LYN: variants seen among roughly 807,000 people sequenced by gnomAD.
LYN encodes the protein tyrosine-protein kinase Lyn.
LYN carries 12 observed loss-of-function variants against 65.0 expected under a neutral mutation model. The observed-to-expected ratio is 0.18, with a 90% CI of 0.12 to 0.30. LYN has a LOEUF of 0.30. Ranked by LOEUF, LYN falls within the 10% of genes least tolerant of loss-of-function variation. The pLI, the probability that LYN is intolerant of heterozygous loss-of-function variation, is 1.00. For missense variants in LYN, 380 were observed against 623.2 expected, an observed-to-expected ratio of 0.61 and a Z score of 4.16; for synonymous variants, 222 against 221.2, an observed-to-expected ratio of 1.00 and a Z score of -0.03.
rs576850028 is a variant in LYN at position 55,995,167 on chromosome 8, G to A, written c.1051-3179G>A. Among the ~76,000 whole-genome samples the A allele has an allele frequency of 3.3e-5, 5 of 152,168 alleles. No homozygotes were observed. The South Asian group carries it at 8.3e-4, about 25-fold the overall frequency. On this transcript the variant is annotated intron_variant, in intron 10 of 12. Coordinates refer to ENST00000519728, the MANE Select transcript of LYN (RefSeq NM_002350.4). ...AAGGAGCTATCCTGAACTTCCTGAC[G>A]CCCTCACCATGCCACTGCCTGCTGT...
chr8:55,939,734 TTTTAAGGGA>T (rs1038471111), intron 1 of LYN, among the ~76,000 whole-genome samples: 1 of 152,132 alleles, frequency 6.6e-6, no homozygotes, highest in African/African-American at 2.4e-5. Flanking sequence ...TAAAGCACGA[TTTTAAGGGA>T]TGGTGAGTTA....
At chr8:55,940,039 G>T (rs1454370357) in intron 1 of LYN, among the ~76,000 whole-genome samples, 1 of 152,224 alleles carries the variant, frequency 6.6e-6, no homozygotes, top group Non-Finnish European at 1.5e-5. Flanking sequence ...TTGGAAGCCT[G>T]CAGGAAAAAA....
At chr8:55,965,380 AGGGAGTGGCTCCC>A (rs1807421940) in intron 8 of LYN, among the ~76,000 whole-genome samples, 2 of 152,128 alleles carry the variant, frequency 1.3e-5, no homozygotes, top group Non-Finnish European at 1.5e-5. Flanking sequence ...GGAGGAGTGG[AGGGAGTGGCTCCC>A]TGTCCTTTTA....
intron 1 of LYN, among the ~76,000 whole-genome samples, chr8:55,938,673 A>G (rs1208152448): frequency 1.3e-5 from 2 of 152,220 alleles, no homozygotes; most frequent in African/African-American, 4.8e-5. Context: ...TTGTGGTAAA[A>G]CATTTTAAAG....
At chr8:56,009,257 A>G (rs944723298) in intron 12 of LYN, among the ~76,000 whole-genome samples, 39 of 152,314 alleles carry the variant, frequency 2.6e-4, no homozygotes, top group African/African-American at 8.9e-4. Context: ...GGCAAGTCCA[A>G]TATCCTTTTG....
intron 10 of LYN, among the ~76,000 whole-genome samples, chr8:55,977,910 A>C (rs1585659634): frequency 6.6e-6 from 1 of 152,074 alleles, no homozygotes; most frequent in South Asian, 2.1e-4. Context: ...ACAGAGCAAG[A>C]CCCTGCCTCT....
intron 1 of LYN, among the ~76,000 whole-genome samples, chr8:55,911,375 A>T (rs1805633833): frequency 7.2e-6 from 1 of 139,132 alleles, no homozygotes; most frequent in South Asian, 2.3e-4. Flanking sequence ...GCCCACCTTG[A>T]CCTCCCAAAG....
At chr8:55,912,736 A>C (rs1443680656) in intron 1 of LYN, among the ~76,000 whole-genome samples, 1 of 133,376 alleles carries the variant, frequency 7.5e-6, no homozygotes, top group Non-Finnish European at 1.6e-5. Flanking sequence ...GAAAAAAAAA[A>C]ACAAAACAAA....
chr8:55,996,990 G>A (rs1021334849), intron 10 of LYN, among the ~76,000 whole-genome samples: 5 of 151,836 alleles, frequency 3.3e-5, no homozygotes, highest in Non-Finnish European at 7.4e-5. Context: ...GTGAAACCCC[G>A]TCTGTACTAA....
rs117144143 is a variant in LYN at position 55,957,518 on chromosome 8, C to T, written c.790+3534C>T. On this transcript the variant is annotated intron_variant, in intron 8 of 12. Transcript: ENST00000519728. ...GCTTGGAATCTTGTTCTAGCCTCTCCTGTTCAGCTGTGAAGCCAGGATAAA... is the reference window on the plus strand; with the variant it reads ...GCTTGGAATCTTGTTCTAGCCTCTCTTGTTCAGCTGTGAAGCCAGGATAAA... Among the ~76,000 whole-genome samples, 4 of 152,336 alleles carry T rather than the reference C, an allele frequency of 2.6e-5. No homozygotes were observed. In the East Asian group the frequency reaches 5.8e-4, roughly 22 times the overall value.
chr8:55,992,306 G>A (rs1325529586), intron 10 of LYN, among the ~76,000 whole-genome samples: 1 of 152,190 alleles, frequency 6.6e-6, no homozygotes, highest in Non-Finnish European at 1.5e-5. Context: ...GATAGAGAGG[G>A]AGAGGAGCTG....
chr8:55,886,449 T>C (rs555683797), intron 1 of LYN, among the ~76,000 whole-genome samples: 7 of 152,284 alleles, frequency 4.6e-5, no homozygotes, highest in African/African-American at 1.4e-4. Flanking sequence ...GGTTTCATCA[T>C]GTTGGCCAGC....
intron 10 of LYN, among the ~76,000 whole-genome samples, chr8:55,985,614 G>A (rs530107289): frequency 6.6e-6 from 1 of 152,268 alleles, no homozygotes; most frequent in African/African-American, 2.4e-5. Flanking sequence ...AAGGTATTTT[G>A]TCTTAGTTGA....
At chr8:56,009,419 A>G (rs1808756019) in intron 12 of LYN, among the ~76,000 whole-genome samples, 1 of 152,230 alleles carries the variant, frequency 6.6e-6, no homozygotes, top group African/African-American at 2.4e-5. Context: ...CCATAACAAT[A>G]CAACACACTG....
intron 1 of LYN, among the ~76,000 whole-genome samples, chr8:55,910,303 C>A (rs1805562571): frequency 6.6e-6 from 1 of 152,066 alleles, no homozygotes; most frequent in African/African-American, 2.4e-5. Context: ...GTCTTTAATT[C>A]ATCTTGAGTT....
intron 3 of LYN, among the ~76,000 whole-genome samples, chr8:55,946,895 CA>C (rs1453080125): frequency 1.3e-5 from 2 of 152,160 alleles, no homozygotes; most frequent in Non-Finnish European, 2.9e-5. Context: ...AAGGTTCATC[CA>C]TGCTGTAGAA....
intron 12 of LYN, among the ~76,000 whole-genome samples, chr8:56,002,517 G>A (rs946782867): frequency 1.3e-5 from 2 of 151,514 alleles, no homozygotes; most frequent in Middle Eastern, 3.4e-3. Flanking sequence ...AAGGAGAATC[G>A]CTTGAACCCA....
At chr8:55,895,386 A>G (rs538627209) in intron 1 of LYN, among the ~76,000 whole-genome samples, 4 of 152,304 alleles carry the variant, frequency 2.6e-5, no homozygotes, top group South Asian at 2.1e-4. Context: ...GGTGAATAAT[A>G]TAGGTATGGA....
At chr8:55,932,888 CA>C (rs1475044759) in intron 1 of LYN, among the ~76,000 whole-genome samples, 1 of 152,280 alleles carries the variant, frequency 6.6e-6, no homozygotes, top group African/African-American at 2.4e-5. Context: ...TGCAGGCTCT[CA>C]CTTATGAATG....
Sources: gnomAD v4.1 joint callset for allele counts (sites outside exome capture counted in the v4.1 genomes callset) on GRCh38, gnomAD v4.1.1 for gene constraint, MANE v1.5 for transcripts, NCBI Gene and HGNC (gene_info 2026-07-23, HGNC 2026-07-21) for gene names.